KDM4C: variants seen among roughly 807,000 people sequenced by gnomAD.
KDM4C encodes lysine demethylase 4C, also known as lysine-specific demethylase 4C.
KDM4C carries 81 observed loss-of-function variants against 129.3 expected under a neutral mutation model. That is an observed-to-expected ratio of 0.63 (90% confidence interval 0.52 to 0.75). The LOEUF (loss-of-function observed/expected upper bound fraction) is 0.75. KDM4C is among the 30% of genes least tolerant of loss of function. KDM4C has a pLI of 0.00. For missense variants in KDM4C, 1,457 were observed against 1,304.0 expected, an observed-to-expected ratio of 1.12 and a Z score of -1.81; for synonymous variants, 573 against 456.1, an observed-to-expected ratio of 1.26 and a Z score of -3.26.
chr9:7,105,480 A>G (rs943952734), intron 18 of KDM4C: 9 of 470,804 alleles, frequency 1.9e-5, no homozygotes, highest in East Asian at 1.4e-4. Context: ...TGGTGCTACA[A>G]TCTTATGTGA....
rs925474133 is a variant in KDM4C at position 7,045,462 on chromosome 9, C to A, written c.2260-1400C>A. ...TCTCTGTAGAAAGTGTGTTAAATTA[C>A]TGGAAAAATACCTAAAATTGAGAAC... On this transcript the variant is annotated intron_variant, in intron 15 of 21. Transcript: ENST00000381309. Among the ~76,000 whole-genome samples, 49 of 152,092 alleles carry A rather than the reference C, an allele frequency of 3.2e-4. 1 individual carries two copies. Among genetic ancestry groups the A allele is most frequent in the Admixed American group, 2.6e-3 (40 of 15,246 alleles).
At chr9:7,160,954 AGTGGGCCTTGTTGAGCTGCG>A (rs771886748) in intron 19 of KDM4C, among the ~76,000 whole-genome samples, 2 of 100,842 alleles carry the variant, frequency 2.0e-5, no homozygotes, top group Non-Finnish European at 4.4e-5. Context: ...GTCTAGAGGC[AGTGGGCCTTGTTGAGCTGCG>A]GTGGGCTCCA....
chr9:6,887,888 C>T, intron 6 of KDM4C, 72 bp from the exon 7 acceptor site: 1 of 899,436 alleles, frequency 1.1e-6, no homozygotes, highest in South Asian at 1.3e-5. Context: ...CTAGAACTTA[C>T]ACATTAAAAA....
intron 20 of KDM4C, among the ~76,000 whole-genome samples, chr9:7,168,518 A>G (rs1450882115): frequency 6.6e-6 from 1 of 152,174 alleles, no homozygotes; most frequent in East Asian, 1.9e-4. Flanking sequence ...CTTTGACAAA[A>G]TCTTTTAAAA....
At chr9:6,800,490 G>C (rs72699687) in intron 2 of KDM4C, among the ~76,000 whole-genome samples, 8 of 151,850 alleles carry the variant, frequency 5.3e-5, no homozygotes, top group Admixed American at 3.9e-4. Context: ...TGTGAGCTGC[G>C]ATCATGCCAC....
chr9:6,780,464 C>T (rs1824082561), intron 1 of KDM4C, among the ~76,000 whole-genome samples: 1 of 151,448 alleles, frequency 6.6e-6, no homozygotes. Flanking sequence ...AACAAACCCA[C>T]AAAAAAACGA....
chr9:7,136,554 G>A (rs1488432318), intron 19 of KDM4C, among the ~76,000 whole-genome samples: 1 of 152,210 alleles, frequency 6.6e-6, no homozygotes, highest in Non-Finnish European at 1.5e-5. Context: ...TCACGGTATT[G>A]TAATTTATGT....
In KDM4C at chr9:6,901,542, T is replaced by C. The variant is rs1817412378; in HGVS notation, c.921+8310T>C. Among the ~76,000 whole-genome samples the C allele has an allele frequency of 2.6e-5, 4 of 152,256 alleles. No individual in the cohort carries two copies. In the South Asian group the frequency reaches 8.3e-4, roughly 32 times the overall value. ...CTGCCAAGGGCAGGAAGCGAGACAG[T>C]GTGAGAACTAGGCTCATCTACCCCC... On this transcript the variant is annotated intron_variant, in intron 8 of 21. Coordinates refer to ENST00000381309, the MANE Select transcript of KDM4C (RefSeq NM_015061.6).
chr9:6,939,961 C>CTATCTAT (rs1563849755), intron 8 of KDM4C, among the ~76,000 whole-genome samples: 1 of 93,528 alleles, frequency 1.1e-5, no homozygotes, highest in Non-Finnish European at 2.6e-5. Flanking sequence ...CAATAACCAA[C>CTATCTAT]CTACCTACCT....
At chr9:6,771,465 C>G (rs781685653) in intron 1 of KDM4C, among the ~76,000 whole-genome samples, 3 of 152,016 alleles carry the variant, frequency 2.0e-5, no homozygotes, top group Non-Finnish European at 2.9e-5. Context: ...GCATGCGCCA[C>G]CATGCCCTGC....
chr9:7,130,672 G>T (rs962087029), intron 19 of KDM4C, among the ~76,000 whole-genome samples: 1 of 152,238 alleles, frequency 6.6e-6, no homozygotes, highest in Non-Finnish European at 1.5e-5. Context: ...TTGCCCTGGA[G>T]GGGGGCAGGT....
intron 15 of KDM4C, among the ~76,000 whole-genome samples, chr9:7,035,683 TA>T (rs1275733054): frequency 6.6e-6 from 1 of 152,164 alleles, no homozygotes; most frequent in Middle Eastern, 3.2e-3. Context: ...AGTGGGAGTC[TA>T]CTTTCATTCT....
intron 8 of KDM4C, among the ~76,000 whole-genome samples, chr9:6,961,515 T>G (rs948955194): frequency 6.6e-6 from 1 of 152,210 alleles, no homozygotes; most frequent in Non-Finnish European, 1.5e-5. Flanking sequence ...GAAGGTAACA[T>G]TGTAACTATT....
intron 5 of KDM4C, among the ~76,000 whole-genome samples, chr9:6,864,505 G>A (rs940458167): frequency 6.6e-6 from 1 of 151,918 alleles, no homozygotes; most frequent in South Asian, 2.1e-4. Flanking sequence ...TATCTGTTTG[G>A]TGATCTCTAA....
At chr9:6,804,224 A>T (rs886966966) in intron 2 of KDM4C, among the ~76,000 whole-genome samples, 1 of 152,210 alleles carries the variant, frequency 6.6e-6, no homozygotes, top group African/African-American at 2.4e-5. Context: ...CTGCAGGCAA[A>T]CACTGGTGTG....
intron 1 of KDM4C, among the ~76,000 whole-genome samples, chr9:6,724,434 A>C (rs1817057022): frequency 6.6e-6 from 1 of 152,204 alleles, no homozygotes; most frequent in South Asian, 2.1e-4. Flanking sequence ...AAAAATGAAA[A>C]CATCAACAAA....
At chr9:7,143,866 C>A (rs1468277661) in intron 19 of KDM4C, among the ~76,000 whole-genome samples, 1 of 152,110 alleles carries the variant, frequency 6.6e-6, no homozygotes, top group Non-Finnish European at 1.5e-5. Context: ...TACACATATC[C>A]CTGTCTGCAT....
At chr9:6,997,671 A>G (rs1166889717) in intron 12 of KDM4C, among the ~76,000 whole-genome samples, 1 of 152,146 alleles carries the variant, frequency 6.6e-6, no homozygotes, top group African/African-American at 2.4e-5. Flanking sequence ...TGTGCTTTAT[A>G]TGTTTTTTGA....
chr9:6,925,588 T>C, intron 8 of KDM4C: 4 of 985,422 alleles, frequency 4.1e-6, no homozygotes, highest in Non-Finnish European at 4.8e-6. Flanking sequence ...CCACCATGCC[T>C]GGGCAGACCC....
Sources: gnomAD v4.1 joint callset for allele counts (sites outside exome capture counted in the v4.1 genomes callset) on GRCh38, gnomAD v4.1.1 for gene constraint, MANE v1.5 for transcripts, NCBI Gene and HGNC (gene_info 2026-07-23, HGNC 2026-07-21) for gene names.